The following RIMS1 variants were observed in gnomAD, a reference collection of about 807,000 sequenced individuals.
The protein encoded by RIMS1 is regulating synaptic membrane exocytosis 1.
In RIMS1, 83 loss-of-function variants were observed where a neutral mutation model predicts 214.1. That is an observed-to-expected ratio of 0.39 (90% CI 0.32 to 0.47). RIMS1 has a LOEUF of 0.47. Ranked by LOEUF, RIMS1 falls within the 20% of genes least tolerant of loss-of-function variation. The probability of loss-of-function intolerance (pLI) is 0.99; values close to 1 mark genes in which losing one functional copy is unlikely to be tolerated. For synonymous variants in RIMS1, 793 were observed against 786.8 expected (o/e 1.01, Z -0.13); for missense variants, 2,050 against 2,161.8 (o/e 0.95, Z 1.03).
chr6:72,265,448 C>T lies in RIMS1; in HGVS notation c.3253C>T (p.His1085Tyr). The change falls in exon 21 of 34, where the codon CAT becomes TAT. Residue 1085 changes from histidine (H) to tyrosine (Y), a missense_variant. By Grantham distance (83) the His-to-Tyr change is moderately conservative. This residue lies in a region of RIMS1 where 889 missense variants were observed against 885.5 expected (regional missense o/e 1.00). Coordinates refer to ENST00000521978, the MANE Select transcript of RIMS1 (RefSeq NM_014989.7). ...AGTGACTAGACAGGACATTTCCCTT[C>T]ATCATGAATGCTTTAACTCAACAGT... ...KSVTRQDISLHHECFNSTVLR... is the reference protein window; with the variant it reads ...KSVTRQDISLYHECFNSTVLR... 3.1e-6 allele frequency: 5 copies of T among 1,610,398 alleles called. No individual in the cohort carries two copies. The highest frequency in any genetic ancestry group is 4.2e-6 in the Non-Finnish European group (5 of 1,177,324).
intron 2 of RIMS1, among the ~76,000 whole-genome samples, chr6:72,095,593 G>T (rs1397600491): frequency 1.3e-5 from 2 of 152,184 alleles, no homozygotes; most frequent in Non-Finnish European, 2.9e-5. Context: ...AAATAGAAAA[G>T]GTGCCAACTG....
At chr6:72,278,395 T>A (rs2087931872) in intron 23 of RIMS1, among the ~76,000 whole-genome samples, 1 of 152,100 alleles carries the variant, frequency 6.6e-6, no homozygotes, top group African/African-American at 2.4e-5. Context: ...CCTATACCTA[T>A]TAGTTGGTAG....
chr6:71,961,825 G>A (rs1392059171), intron 1 of RIMS1, among the ~76,000 whole-genome samples: 5 of 152,148 alleles, frequency 3.3e-5, no homozygotes, highest in African/African-American at 7.2e-5. Flanking sequence ...GGCATTCTAA[G>A]TTTTTCAAAA....
intron 2 of RIMS1, among the ~76,000 whole-genome samples, chr6:72,012,673 A>C (rs988156155): frequency 6.6e-6 from 1 of 152,164 alleles, no homozygotes; most frequent in Admixed American, 6.6e-5. Flanking sequence ...CCACAAGGTA[A>C]GGGTGGAGAG....
chr6:72,116,275 T>C (rs1446166727), intron 4 of RIMS1, among the ~76,000 whole-genome samples: 3 of 151,878 alleles, frequency 2.0e-5, no homozygotes, highest in African/African-American at 4.8e-5. Context: ...CTTTATTAGG[T>C]TGGTAACAAG....
chr6:71,931,031 G>T (rs1200707097), intron 1 of RIMS1, among the ~76,000 whole-genome samples: 6 of 152,022 alleles, frequency 3.9e-5, no homozygotes, highest in Non-Finnish European at 8.8e-5. Flanking sequence ...ACTTGGAATA[G>T]ATTTTTGTGT....
intron 2 of RIMS1, among the ~76,000 whole-genome samples, chr6:71,979,380 A>G (rs2151461879): frequency 6.6e-6 from 1 of 152,206 alleles, no homozygotes; most frequent in South Asian, 2.1e-4. Flanking sequence ...GACCTATGTT[A>G]GTGGCTTGCC....
At chr6:72,331,303 G>T (rs1273889081) in intron 28 of RIMS1, among the ~76,000 whole-genome samples, 1 of 151,302 alleles carries the variant, frequency 6.6e-6, no homozygotes, top group African/African-American at 2.4e-5. Flanking sequence ...GAAATAATGG[G>T]AAGAAAAAAG....
chr6:72,027,601 C>T (rs1452226420), intron 2 of RIMS1, among the ~76,000 whole-genome samples: 2 of 152,060 alleles, frequency 1.3e-5, no homozygotes, highest in Non-Finnish European at 2.9e-5. Flanking sequence ...ATACTCTACA[C>T]TTAGAAATGT....
intron 4 of RIMS1, among the ~76,000 whole-genome samples, chr6:72,141,659 A>G (rs1156856197): frequency 6.6e-6 from 1 of 152,040 alleles, no homozygotes; most frequent in Non-Finnish European, 1.5e-5. Context: ...AAATTTTACC[A>G]CACAATTTAA....
intron 28 of RIMS1, among the ~76,000 whole-genome samples, chr6:72,315,186 A>C (rs921576789): frequency 2.8e-4 from 42 of 152,180 alleles, no homozygotes; most frequent in African/African-American, 8.9e-4. Flanking sequence ...CAACTCAACA[A>C]ATCAGCATGG....
At chr6:72,315,237 T>G (rs1206747756) in intron 28 of RIMS1, among the ~76,000 whole-genome samples, 1 of 152,028 alleles carries the variant, frequency 6.6e-6, no homozygotes, top group African/African-American at 2.4e-5. Context: ...GATAGAGGAT[T>G]TTTTTGCTTC....
intron 6 of RIMS1, among the ~76,000 whole-genome samples, chr6:72,184,053 T>C (rs1195225782): frequency 1.3e-5 from 2 of 152,238 alleles, no homozygotes; most frequent in South Asian, 2.1e-4. Context: ...GATTTTAGTG[T>C]TGCGAGCACC....
chr6:72,058,067 A>T (rs1826827803), intron 2 of RIMS1, among the ~76,000 whole-genome samples: 1 of 152,240 alleles, frequency 6.6e-6, no homozygotes, highest in South Asian at 2.1e-4. Context: ...TAAAGTACTT[A>T]CTTGATTCAC....
intron 28 of RIMS1, among the ~76,000 whole-genome samples, chr6:72,321,358 A>C (rs908799118): frequency 6.6e-6 from 1 of 152,030 alleles, no homozygotes; most frequent in Non-Finnish European, 1.5e-5. Context: ...GTATTCACTG[A>C]GTATGTATAT....
intron 1 of RIMS1, among the ~76,000 whole-genome samples, chr6:71,914,828 A>C (rs2150657320): frequency 6.6e-6 from 1 of 152,230 alleles, no homozygotes; most frequent in Non-Finnish European, 1.5e-5. Flanking sequence ...CAAACAAATC[A>C]AATGTTAAGA....
At chr6:72,127,898 T>C (rs189619205) in intron 4 of RIMS1, among the ~76,000 whole-genome samples, 2 of 152,298 alleles carry the variant, frequency 1.3e-5, no homozygotes, top group East Asian at 3.9e-4. Context: ...ACCCACTCCA[T>C]ACATGATCTC....
intron 1 of RIMS1, among the ~76,000 whole-genome samples, chr6:71,958,302 G>A (rs1791900279): frequency 1.3e-5 from 2 of 152,098 alleles, no homozygotes; most frequent in South Asian, 2.1e-4. Flanking sequence ...CAGTGAAGCT[G>A]TGGAACACAC....
At chr6:72,131,695 T>C (rs2153843355) in intron 4 of RIMS1, among the ~76,000 whole-genome samples, 1 of 152,310 alleles carries the variant, frequency 6.6e-6, no homozygotes, top group Non-Finnish European at 1.5e-5. Context: ...TGATAACATC[T>C]TATCAGGAGA....
Sources: allele counts gnomAD v4.1 joint callset (sites outside exome capture counted in the v4.1 genomes callset), GRCh38; gene constraint gnomAD v4.1.1; regional missense constraint gnomAD v4.1.1; transcripts MANE v1.5; gene names NCBI Gene and HGNC (gene_info 2026-07-23, HGNC 2026-07-21).